The following SEZ6L2 variants were observed in gnomAD, a reference collection of about 807,000 sequenced individuals.
SEZ6L2 encodes the protein seizure 6-like protein 2.
A neutral mutation model predicts 97.0 loss-of-function variants in SEZ6L2; 44 were observed. The ratio of observed to expected loss-of-function variants is 0.45; its 90% CI spans 0.36 to 0.58. SEZ6L2 has a LOEUF of 0.58. SEZ6L2 is among the 20% of genes least tolerant of loss of function. The pLI is 0.00. For missense variants in SEZ6L2, 1,086 were observed against 1,233.3 expected (o/e 0.88, Z 1.79); for synonymous variants, 543 against 546.1 (o/e 0.99, Z 0.08).
chr16:29,895,618 G>T, intron 4 of SEZ6L2, 103 bp downstream of exon 4: 2 of 1,456,888 alleles, frequency 1.4e-6, no homozygotes, highest in Non-Finnish European at 1.9e-6. Context: ...GGTCACCTGA[G>T]TCATCAGACA....
chr16:29,896,953 G>C lies in SEZ6L2; in HGVS notation c.380C>G (p.Pro127Arg). The C allele has an allele frequency of 6.3e-7, 1 of 1,598,984 alleles. No individual in the cohort carries two copies. Among genetic ancestry groups the C allele is most frequent in the Non-Finnish European group, 8.5e-7 (1 of 1,174,024 alleles). Reference sequence around the variant, plus strand: ...GGGTGGGGGTGGGGCTGTGGTTCCTGGGGGCGGGGTCAGCAGTTCTGGCGC... The same window carrying C: ...GGGTGGGGGTGGGGCTGTGGTTCCTCGGGGCGGGGTCAGCAGTTCTGGCGC... ...PTAPELLTPPPGTTAPPPPSP... is the reference protein window; with the variant it reads ...PTAPELLTPPRGTTAPPPPSP... Residue 127 changes from proline (P) to arginine (R), a missense_variant, in exon 3 of 18, where the codon CCA becomes CGA. Around this residue, in one of 2 missense-constraint regions of SEZ6L2, gnomAD observed 776 missense variants for 794.7 expected, o/e 0.98. Transcript: ENST00000617533.
chr16:29,879,795 C>T, intron 9 of SEZ6L2, 69 bp downstream of exon 9: 1 of 1,401,376 alleles, frequency 7.1e-7, no homozygotes, highest in Non-Finnish European at 9.7e-7. Context: ...TTCTGAACGG[C>T]CTTGCTGGGA....
chr16:29,889,555 G>T (rs1272346574), intron 5 of SEZ6L2, among the ~76,000 whole-genome samples: 1 of 150,170 alleles, frequency 6.7e-6, no homozygotes, highest in African/African-American at 2.4e-5. Context: ...TTCCACCAAG[G>T]TGCCCTGTGG....
intron 11 of SEZ6L2, 112 bp from the exon 12 acceptor site, chr16:29,877,062 CTT>C (rs1212509649): frequency 1.3e-5 from 15 of 1,154,928 alleles, no homozygotes; most frequent in Non-Finnish European, 1.6e-5. Context: ...CTCTCTCTCT[CTT>C]AGAGACAGGG....
chr16:29,877,665 A>G (rs1317150256), intron 10 of SEZ6L2, among the ~76,000 whole-genome samples, 198 bp from the exon 11 acceptor site: 4 of 152,166 alleles, frequency 2.6e-5, no homozygotes, highest in Non-Finnish European at 4.4e-5. Context: ...GGGTTCCCCT[A>G]TTCTATGGCT....
intron 5 of SEZ6L2, among the ~76,000 whole-genome samples, chr16:29,889,937 C>G (rs2068235401): frequency 6.6e-6 from 1 of 151,960 alleles, no homozygotes; most frequent in Admixed American, 6.6e-5. Context: ...GAGGAGAAGT[C>G]TCACTCTGTT....
At chr16:29,878,483 CCA>C (rs2067958040) in intron 9 of SEZ6L2, 58 bp from the exon 10 acceptor site, 13 of 1,513,886 alleles carry the variant, frequency 8.6e-6, no homozygotes, top group Admixed American at 3.8e-5. Context: ...CTTCATTTCT[CCA>C]CAGTCCTCAC....
At chr16:29,898,661 G>T (rs968139309) in intron 1 of SEZ6L2, among the ~76,000 whole-genome samples, 1 of 152,058 alleles carries the variant, frequency 6.6e-6, no homozygotes, top group African/African-American at 2.4e-5. Context: ...TGCTTCTGCC[G>T]CCTCCGCAGA....
intron 6 of SEZ6L2, 52 bp downstream of exon 6, chr16:29,888,488 C>T: frequency 6.3e-7 from 1 of 1,581,550 alleles, no homozygotes; most frequent in East Asian, 2.2e-5. Flanking sequence ...ATAGGACCCT[C>T]CCAATGGGGT....
At position 29,891,620 on chromosome 16, in the gene SEZ6L2, A is replaced by C. The variant is rs975388832; in HGVS notation, c.854-2895T>G. On this transcript the variant is annotated intron_variant, in intron 5 of 17. Coordinates refer to ENST00000617533, the MANE Select transcript of SEZ6L2 (RefSeq NM_001243332.2). ...TGTGCCATTGCACTCCAGCCTGGGC[A>C]GCAGAGTGAGACTCCGTCTCAAAAA... 1.2e-4 allele frequency among the ~76,000 whole-genome samples: 19 copies of C among 152,106 alleles called. 2 individuals are homozygous for C. Among genetic ancestry groups the C allele is most frequent in the Admixed American group, 4.6e-4 (7 of 15,272 alleles).
intron 8 of SEZ6L2, among the ~76,000 whole-genome samples, chr16:29,883,572 GC>G: frequency 6.6e-6 from 1 of 151,962 alleles, no homozygotes. Flanking sequence ...TCCCACCTTG[GC>G]CTCCCAAAGT....
chr16:29,895,963 C>T (rs1488131912), intron 3 of SEZ6L2, 103 bp from the exon 4 acceptor site: 1 of 1,269,208 alleles, frequency 7.9e-7, no homozygotes, highest in Non-Finnish European at 1.1e-6. Context: ...CACTTCTCAT[C>T]ATCTTTTTGT....
In SEZ6L2 at chr16:29,885,762, G is replaced by T; in HGVS notation, c.1209-13C>A. On this transcript the variant is annotated splice_polypyrimidine_tract_variant and intron_variant, in intron 7 of 17. Transcript: ENST00000617533. ...GCGCACCATCAGCCTGGGATGGACA[G>T]AAACGTGACCAGGAGCTCAATCTCC... The T allele has an allele frequency of 6.3e-7, 1 of 1,589,864 alleles. No individual in the cohort carries two copies.
Position 29,873,458 on chromosome 16 carries a change from C to A in SEZ6L2, c.2297-27G>T, listed in dbSNP as rs1301909307. 6.2e-7 allele frequency: 1 copy of A among 1,614,134 alleles called. No homozygotes were observed. The highest frequency in any genetic ancestry group is 8.5e-7 in the Non-Finnish European group (1 of 1,179,974). The stretch of plus-strand genomic sequence containing the variant: ...TGCGGGGAGCATGCCAGTCACGTGC[C>A]AGCTGCACTACTGTGCACGGGGCAG... On this transcript the variant is annotated intron_variant, in intron 13 of 17. Coordinates refer to ENST00000617533, the MANE Select transcript of SEZ6L2 (RefSeq NM_001243332.2). The surrounding 1 kb of genome is among the most constrained non-coding windows in gnomAD (Gnocchi z 4.3).
chr16:29,877,407 T>C lies in SEZ6L2; in HGVS notation c.1773A>G (p.Arg591=). The C allele has an allele frequency of 6.2e-7, 1 of 1,612,442 alleles. No individual in the cohort carries two copies. The highest frequency in any genetic ancestry group is 1.1e-5 in the South Asian group (1 of 90,942). The change falls in exon 11 of 18, where the codon CGA becomes CGG. Residue 591 remains arginine (R), a synonymous_variant. Coordinates refer to ENST00000617533, the MANE Select transcript of SEZ6L2 (RefSeq NM_001243332.2). The part of the protein sequence containing the change: ...TLFDGDGPSA[R]VLAQLRGPQP... ...GAGGTCCCCGCAGCTGGGCCAAGACTCGGGCGCTGGGACCGTCCCCGTCGA... is the reference window on the plus strand; with the variant it reads ...GAGGTCCCCGCAGCTGGGCCAAGACCCGGGCGCTGGGACCGTCCCCGTCGA...
At chr16:29,879,182 C>A (rs1291190588) in intron 9 of SEZ6L2, among the ~76,000 whole-genome samples, 1 of 151,704 alleles carries the variant, frequency 6.6e-6, no homozygotes, top group Non-Finnish European at 1.5e-5. Flanking sequence ...GGATTACAGG[C>A]GTGAGACACT....
chr16:29,876,839 G>A lies in SEZ6L2; in HGVS notation c.2021C>T (p.Pro674Leu). 1 of 1,612,082 alleles carries A rather than the reference G, an allele frequency of 6.2e-7. No homozygotes were observed. Among genetic ancestry groups the A allele is most frequent in the Non-Finnish European group, 8.5e-7 (1 of 1,179,236 alleles). Reference protein sequence around the residue: ...RGTVLTYQCEPGYELLGSDIL... With the variant: ...RGTVLTYQCELGYELLGSDIL... ...GTCGGAGCCTAGCAGCTCGTAGCCA[G>A]GCTCGCACTGGTAGGTGAGCACCGT... The change falls in exon 12 of 18, where the codon CCT (proline) becomes CTT (leucine). Residue 674 changes from proline to leucine, a missense_variant. Transcript: ENST00000617533. This position sits in a 1 kb window ranked among gnomAD's most constrained non-coding sequence, Gnocchi z 6.5.
chr16:29,895,847 G>C lies in SEZ6L2; in HGVS notation c.525C>G (p.Asn175Lys). ...TTVTSPVLCN[N>K]NISEGEGYVE... ...CATACCCTTCGCCCTCGGAGATGTT[G>C]TTATTACACAGAACTGAGGAGATAC... The change falls in exon 4 of 18, where the codon AAC (asparagine) becomes AAG (lysine). Residue 175 changes from asparagine to lysine, a missense_variant. By Grantham distance (94) the Asn-to-Lys change is moderately conservative (BLOSUM62 0). This residue lies in a region of SEZ6L2 where 776 missense variants were observed against 794.7 expected (regional missense o/e 0.98). Coordinates refer to ENST00000617533, the MANE Select transcript of SEZ6L2 (RefSeq NM_001243332.2). The C allele has an allele frequency of 1.2e-6, 2 of 1,612,958 alleles. No individual in the cohort carries two copies. The highest frequency in any genetic ancestry group is 8.5e-7 in the Non-Finnish European group (1 of 1,179,510).
Position 29,877,263 on chromosome 16 carries a change from C to T in SEZ6L2, c.1909+8G>A, listed in dbSNP as rs1237624224. 6.4e-7 allele frequency: 1 copy of T among 1,573,542 alleles called. No homozygotes were observed. ...CCCTGCCCATCCCGGGACTCTATCCCTCAGTACCTTTGAAGTGCAATACGA... is the reference window on the plus strand; with the variant it reads ...CCCTGCCCATCCCGGGACTCTATCCTTCAGTACCTTTGAAGTGCAATACGA... On this transcript the variant is annotated splice_region_variant and intron_variant, in intron 11 of 17. Coordinates refer to ENST00000617533, the MANE Select transcript of SEZ6L2 (RefSeq NM_001243332.2).
Sources: allele counts gnomAD v4.1 joint callset (sites outside exome capture counted in the v4.1 genomes callset), GRCh38; gene constraint gnomAD v4.1.1; regional missense constraint gnomAD v4.1.1; non-coding constraint Gnocchi (gnomAD v3.1); transcripts MANE v1.5; gene names NCBI Gene and HGNC (gene_info 2026-07-23, HGNC 2026-07-21).